DMXL1: variants seen among roughly 807,000 people sequenced by gnomAD.
DMXL1 encodes dmX-like protein 1.
Under a neutral mutation model 319.2 loss-of-function variants are expected in DMXL1, and 99 were observed. That is an observed-to-expected ratio of 0.31 (90% confidence interval 0.26 to 0.37). DMXL1 has a LOEUF of 0.37. Ranked by LOEUF, DMXL1 falls within the 10% of genes least tolerant of loss-of-function variation. DMXL1 has a pLI of 1.00. For missense variants in DMXL1, 3,745 were observed against 3,595.6 expected, an observed-to-expected ratio of 1.04 and a Z score of -1.06; for synonymous variants, 1,385 against 1,235.2, an observed-to-expected ratio of 1.12 and a Z score of -2.54.
chr5:119,087,541 C>A (rs1315928585), intron 1 of DMXL1, among the ~76,000 whole-genome samples: 1 of 152,032 alleles, frequency 6.6e-6, no homozygotes, highest in Non-Finnish European at 1.5e-5. Context: ...TTCTGTTTTT[C>A]AAAAAATTGT....
chr5:119,136,573 A>G (rs970486345), intron 13 of DMXL1, among the ~76,000 whole-genome samples: 2 of 152,254 alleles, frequency 1.3e-5, no homozygotes, highest in African/African-American at 4.8e-5. Context: ...CAGAGGCCTA[A>G]GCGGGAAAAT....
At position 119,150,159 on chromosome 5, in the gene DMXL1, T is replaced by C; in HGVS notation, c.4332T>C (p.Asp1444=). ...KSNQLSKESY[D]ELFQTQLLMT... ...ACCAATTATCTAAAGAAAGTTATGA[T>C]GAGCTTTTTCAGACTCAACTTCTAA... Residue 1444 remains aspartate, a synonymous_variant, in exon 18 of 44, where the codon GAT becomes GAC. Transcript: ENST00000539542. The C allele has an allele frequency of 6.2e-7, 1 of 1,613,884 alleles. No individual in the cohort carries two copies.
At chr5:119,087,324 C>G (rs1753598086) in intron 1 of DMXL1, among the ~76,000 whole-genome samples, 1 of 151,730 alleles carries the variant, frequency 6.6e-6, no homozygotes, top group Admixed American at 6.6e-5. Context: ...TTGCTTTCAA[C>G]TTTTCTTAGT....
Position 119,149,795 on chromosome 5 carries a change from C to T in DMXL1, c.3968C>T (p.Pro1323Leu). 1 of 1,613,972 alleles carries T rather than the reference C, an allele frequency of 6.2e-7. No individual in the cohort carries two copies. Among genetic ancestry groups the T allele is most frequent in the Non-Finnish European group, 8.5e-7 (1 of 1,179,928 alleles). Residue 1323 changes from proline (P) to leucine (L), a missense_variant, in exon 18 of 44, where the codon CCT becomes CTT. Around this residue, in one of 4 missense-constraint regions of DMXL1, gnomAD observed 2,096 missense variants for 1,985.4 expected, o/e 1.06. Coordinates refer to ENST00000539542, the MANE Select transcript of DMXL1 (RefSeq NM_001290321.3). ...EAAHVLSPTL[P>L]QYHPLQLLEL... is the part of the protein sequence containing the mutation. Reference sequence around the variant, plus strand: ...GCTCATGTACTTTCCCCGACTCTACCTCAGTATCATCCCTTGCAGCTTTTG... The same window carrying T: ...GCTCATGTACTTTCCCCGACTCTACTTCAGTATCATCCCTTGCAGCTTTTG...
At chr5:119,183,181 C>T (rs1360931789) in intron 28 of DMXL1, among the ~76,000 whole-genome samples, 1 of 152,094 alleles carries the variant, frequency 6.6e-6, no homozygotes, top group Non-Finnish European at 1.5e-5. Flanking sequence ...TACGCTAAAA[C>T]AGATCAGAAA....
chr5:119,190,848 T>C (rs1425555103), intron 29 of DMXL1, among the ~76,000 whole-genome samples: 2 of 152,176 alleles, frequency 1.3e-5, no homozygotes, highest in Admixed American at 6.5e-5. Flanking sequence ...ATTCACAACA[T>C]TGAAAATGCA....
chr5:119,123,876 G>C (rs1282160102), intron 9 of DMXL1, among the ~76,000 whole-genome samples: 1 of 69,796 alleles, frequency 1.4e-5, no homozygotes, highest in Non-Finnish European at 3.0e-5. Context: ...AGCCTTTACA[G>C]TTTAGCAGAC....
chr5:119,181,313 A>G (rs1484550473), intron 28 of DMXL1, among the ~76,000 whole-genome samples: 6 of 152,206 alleles, frequency 3.9e-5, no homozygotes, highest in Non-Finnish European at 7.3e-5. Flanking sequence ...ACTTAGTGGT[A>G]GGGCTGGATA....
At chr5:119,211,481 G>A (rs950940379) in intron 34 of DMXL1, among the ~76,000 whole-genome samples, 8 of 152,198 alleles carry the variant, frequency 5.3e-5, no homozygotes, top group African/African-American at 1.9e-4. Flanking sequence ...CATTTATGTT[G>A]TCAAACTTAC....
intron 1 of DMXL1, among the ~76,000 whole-genome samples, chr5:119,088,499 T>C (rs866625985): frequency 6.6e-5 from 10 of 152,338 alleles, no homozygotes; most frequent in African/African-American, 2.2e-4. Context: ...TAAAAAAGTA[T>C]TATTGGTAAG....
At chr5:119,199,731 A>AT (rs758962214) in intron 32 of DMXL1, among the ~76,000 whole-genome samples, 13 of 152,080 alleles carry the variant, frequency 8.5e-5, no homozygotes, top group Non-Finnish European at 1.5e-4. Context: ...AGCATCTGTT[A>AT]TTTTTTATAA....
rs1774450163 is a variant in DMXL1 at position 119,171,081 on chromosome 5, A to G, written c.6290A>G (p.Asn2097Ser). The change falls in exon 24 of 44, where the codon AAT (asparagine) becomes AGT (serine). Residue 2097 changes from asparagine (N) to serine (S), a missense_variant. Coordinates refer to ENST00000539542, the MANE Select transcript of DMXL1 (RefSeq NM_001290321.3). ...AGAAATGAAGATGAATTTGGATTAAATGAGGATGCTGAAGATTTGCCTCAC... is the reference window on the plus strand; with the variant it reads ...AGAAATGAAGATGAATTTGGATTAAGTGAGGATGCTGAAGATTTGCCTCAC... ...FGRNEDEFGLNEDAEDLPHQT... is the reference protein window; with the variant it reads ...FGRNEDEFGLSEDAEDLPHQT... 1.2e-6 allele frequency: 2 copies of G among 1,613,928 alleles called. No homozygotes were observed. Among genetic ancestry groups the G allele is most frequent in the East Asian group, 4.5e-5 (2 of 44,864 alleles).
intron 3 of DMXL1, among the ~76,000 whole-genome samples, chr5:119,103,852 G>C (rs1205429502): frequency 1.3e-5 from 2 of 152,146 alleles, no homozygotes. Context: ...GGGAAGGATA[G>C]AATAGAGAAT....
At chr5:119,106,655 C>T (rs764410181) in intron 4 of DMXL1, among the ~76,000 whole-genome samples, 2 of 151,898 alleles carry the variant, frequency 1.3e-5, no homozygotes, top group African/African-American at 2.4e-5. Flanking sequence ...TATGGTTTTG[C>T]GAGATTTGTC....
chr5:119,134,924 T>A (rs1429355582), intron 13 of DMXL1, among the ~76,000 whole-genome samples: 1 of 152,236 alleles, frequency 6.6e-6, no homozygotes, highest in African/African-American at 2.4e-5. Flanking sequence ...CTTTTCTGGT[T>A]TTGGCGATTT....
intron 37 of DMXL1, among the ~76,000 whole-genome samples, chr5:119,222,119 T>C (rs1784750964): frequency 1.3e-5 from 2 of 152,186 alleles, no homozygotes; most frequent in African/African-American, 4.8e-5. Context: ...TAATAATACC[T>C]TGTAATATTT....
intron 5 of DMXL1, among the ~76,000 whole-genome samples, chr5:119,112,543 C>T (rs1759875615): frequency 6.6e-6 from 1 of 152,164 alleles, no homozygotes; most frequent in African/African-American, 2.4e-5. Context: ...GCAGACGTCC[C>T]ATATGTAGAA....
intron 2 of DMXL1, among the ~76,000 whole-genome samples, chr5:119,099,677 G>A (rs1756796881): frequency 6.6e-6 from 1 of 152,028 alleles, no homozygotes; most frequent in South Asian, 2.1e-4. Context: ...CTATCTTTTT[G>A]TGATAGACTA....
intron 19 of DMXL1, among the ~76,000 whole-genome samples, chr5:119,161,966 C>T (rs187495668): frequency 3.3e-5 from 5 of 152,316 alleles, no homozygotes; most frequent in African/African-American, 9.6e-5. Flanking sequence ...TTTGTTTCTA[C>T]GCAACACCAG....
Sources: gnomAD v4.1 joint callset for allele counts (sites outside exome capture counted in the v4.1 genomes callset) on GRCh38, gnomAD v4.1.1 for gene constraint, gnomAD v4.1.1 regional missense constraint, MANE v1.5 for transcripts, NCBI Gene and HGNC (gene_info 2026-07-23, HGNC 2026-07-21) for gene names.